The following GRHL3 variants were observed in gnomAD, a reference collection of about 807,000 sequenced individuals.
The protein encoded by GRHL3 is grainyhead-like protein 3 homolog.
Under a neutral mutation model 70.3 loss-of-function variants are expected in GRHL3, and 20 were observed. The observed-to-expected ratio is 0.28, with a 90% CI of 0.20 to 0.41. The LOEUF is 0.41. GRHL3 is among the 10% of genes least tolerant of loss of function. The probability of loss-of-function intolerance (pLI) is 1.00; values close to 1 mark genes in which losing one functional copy is unlikely to be tolerated. For synonymous variants in GRHL3, 299 were observed against 299.9 expected (o/e 1.00, Z 0.03); for missense variants, 637 against 762.3 (o/e 0.84, Z 1.94).
At chr1:24,359,226 G>A (rs114110877), downstream of GRHL3, among the ~76,000 whole-genome samples, 827 of 152,326 alleles carry the variant, frequency 5.4e-3, 6 homozygotes, top group African/African-American at 0.019. The surrounding 1 kb of genome is among the most constrained non-coding windows in gnomAD (Gnocchi z 5.3). Flanking sequence ...GAAACCCCTC[G>A]CAGAAGCCCA....
Position 24,354,431 on chromosome 1 carries a change from C to A in GRHL3, c.1752C>A (p.Phe584Leu). The A allele has an allele frequency of 6.2e-7, 1 of 1,614,026 alleles. No homozygotes were observed. Among genetic ancestry groups the A allele is most frequent in the Non-Finnish European group, 8.5e-7 (1 of 1,179,910 alleles). The change falls in exon 16 of 16, where the codon TTC becomes TTA. Residue 584 changes from phenylalanine (F) to leucine (L), a missense_variant. Transcript: ENST00000361548. ...IIQHYSNHVA[F>L]LLDMGELDGK... ...AGCATTACAGCAACCACGTCGCCTTCCTGCTGGACATGGGGGAGCTGGACG... is the reference window on the plus strand; with the variant it reads ...AGCATTACAGCAACCACGTCGCCTTACTGCTGGACATGGGGGAGCTGGACG...
intron 2 of GRHL3, among the ~76,000 whole-genome samples, chr1:24,332,088 T>A (rs958740932): frequency 3.0e-4 from 46 of 152,150 alleles, no homozygotes; most frequent in African/African-American, 1.1e-3. Flanking sequence ...AACACTCTCA[T>A]ACCCCACCAT....
chr1:24,357,105 A>T, downstream of GRHL3: 1 of 138,990 alleles, frequency 7.2e-6, no homozygotes, highest in East Asian at 2.6e-4. Context: ...TAAAGACAGG[A>T]TTCGTATTAC....
chr1:24,343,487 T>C lies in GRHL3; in HGVS notation c.1419+462T>C, dbSNP rs41268755. On this transcript the variant is annotated intron_variant, in intron 11 of 15. Coordinates refer to ENST00000361548, the MANE Select transcript of GRHL3 (RefSeq NM_198173.3). The stretch of plus-strand genomic sequence containing the variant: ...GGAGGCACAGAGAAGTTAAGAAACC[T>C]CCTGAGATTGCACAGCTAGTAAGTG... 2.3e-3 allele frequency among the ~76,000 whole-genome samples: 345 copies of C among 152,198 alleles called. 2 individuals carry two copies. The highest frequency in any genetic ancestry group is 7.5e-3 in the South Asian group (36 of 4,806).
intron 14 of GRHL3, among the ~76,000 whole-genome samples, chr1:24,349,023 G>A (rs140626045): frequency 2.4e-4 from 37 of 152,330 alleles, no homozygotes; most frequent in African/African-American, 7.7e-4. Context: ...GTCTCAGTTC[G>A]TGTGCAGAAC....
At position 24,343,030 on chromosome 1, in the gene GRHL3, G is replaced by A. The variant is rs1434460791; in HGVS notation, c.1419+5G>A. ...AGCCTGCAGCGCTCTGGAGGGGTGA[G>A]GCCAGGGCTGGGGTCTCGGGAAGGA... On this transcript the variant is annotated splice_donor_5th_base_variant and intron_variant, in intron 11 of 15. Coordinates refer to ENST00000361548, the MANE Select transcript of GRHL3 (RefSeq NM_198173.3). The A allele has an allele frequency of 1.2e-6, 2 of 1,614,066 alleles. No homozygotes were observed. Among genetic ancestry groups the A allele is most frequent in the African/African-American group, 2.7e-5 (2 of 75,014 alleles).
rs1431241608 is a variant in GRHL3, at chr1:24,319,535, A to C, written c.-17A>C. ...GCAGAGCCTCAGTGCTGATCGTCGG[A>C]GCTTGGGAGCAGGAAGATGTCGAAT... On this transcript the variant is annotated 5_prime_UTR_variant, in exon 1 of 16. Coordinates refer to ENST00000361548, the MANE Select transcript of GRHL3 (RefSeq NM_198173.3). 1 of 1,612,714 alleles carries C rather than the reference A, an allele frequency of 6.2e-7. No individual in the cohort carries two copies. The highest frequency in any genetic ancestry group is 1.3e-5 in the African/African-American group (1 of 74,906).
At chr1:24,351,295 C>T (rs982490466) in intron 15 of GRHL3, among the ~76,000 whole-genome samples, 1 of 152,274 alleles carries the variant, frequency 6.6e-6, no homozygotes, top group Admixed American at 6.5e-5. Context: ...GCCTGGCCGC[C>T]TTCCTCACAG....
intron 2 of GRHL3, among the ~76,000 whole-genome samples, chr1:24,333,227 C>G (rs1488586972): frequency 2.0e-5 from 3 of 152,178 alleles, no homozygotes; most frequent in African/African-American, 7.2e-5. Context: ...TTCAGAGCAG[C>G]CCCCTGGACA....
chr1:24,331,187 G>A (rs1311176964), intron 1 of GRHL3, among the ~76,000 whole-genome samples: 1 of 152,210 alleles, frequency 6.6e-6, no homozygotes, highest in Non-Finnish European at 1.5e-5. Context: ...TGGCCTTCAT[G>A]CTGTGGAAGA....
At chr1:24,333,404 G>A (rs1569871957) in intron 2 of GRHL3, among the ~76,000 whole-genome samples, 1 of 152,204 alleles carries the variant, frequency 6.6e-6, no homozygotes, top group East Asian at 1.9e-4. Flanking sequence ...CTCTCTTGGG[G>A]TGATTAAGAG....
chr1:24,325,748 G>A (rs556231928), intron 1 of GRHL3, among the ~76,000 whole-genome samples: 90 of 152,312 alleles, frequency 5.9e-4, no homozygotes, highest in Admixed American at 7.8e-4. Flanking sequence ...TCCTCCCAGA[G>A]CACTGGCCCC....
At chr1:24,362,711 CCA>C (rs918048455) in intron 15 of GRHL3, among the ~76,000 whole-genome samples, 1 of 152,170 alleles carries the variant, frequency 6.6e-6, no homozygotes, top group Non-Finnish European at 1.5e-5. Flanking sequence ...CCCTTCCACC[CCA>C]GAGTCATGCT....
At chr1:24,361,362 T>C (rs1641105066) in intron 15 of GRHL3, among the ~76,000 whole-genome samples, 1 of 152,112 alleles carries the variant, frequency 6.6e-6, no homozygotes, top group Non-Finnish European at 1.5e-5. Context: ...GATGTGGAGC[T>C]AACCAGAAAT....
intron 2 of GRHL3, 81 bp downstream of exon 2, chr1:24,331,693 C>A: frequency 8.2e-7 from 1 of 1,219,016 alleles, no homozygotes; most frequent in Non-Finnish European, 1.2e-6. Context: ...AGCAGCCCAC[C>A]ATGACCACCC....
At chr1:24,332,376 G>C (rs917023329) in intron 2 of GRHL3, among the ~76,000 whole-genome samples, 2 of 152,164 alleles carry the variant, frequency 1.3e-5, no homozygotes, top group African/African-American at 4.8e-5. Context: ...CAGCTCCTGA[G>C]AATAGGAATT....
At position 24,361,035 on chromosome 1, in the gene GRHL3, GT is replaced by G. The variant is rs533375823; in HGVS notation, c.1695-3145del. ...GCTGAGCAGAGAAGTTCAGGATGGG[GT>G]TTTTCCTTTGGGAAAGATAAAACGG... On this transcript the variant is annotated intron_variant, in intron 15 of 15. Transcript: ENST00000350501. The G allele has an allele frequency of 1.4e-4, 231 of 1,604,760 alleles. 4 individuals carry two copies. The East Asian group carries it at 4.6e-3, about 32-fold the overall frequency.
At chr1:24,341,387 G>A (rs1044849665) in intron 8 of GRHL3, among the ~76,000 whole-genome samples, 17 of 152,200 alleles carry the variant, frequency 1.1e-4, no homozygotes, top group Non-Finnish European at 2.2e-4. Context: ...GTCTGAAGCC[G>A]TATATGGCTA....
At chr1:24,333,985 G>A (rs1639703166) in intron 2 of GRHL3, among the ~76,000 whole-genome samples, 1 of 152,184 alleles carries the variant, frequency 6.6e-6, no homozygotes. Context: ...TCTCAGAGAG[G>A]TGTAGTCATT....
Sources: gnomAD v4.1 joint callset for allele counts (sites outside exome capture counted in the v4.1 genomes callset) on GRCh38, gnomAD v4.1.1 for gene constraint, Gnocchi (gnomAD v3.1) non-coding constraint, MANE v1.5 for transcripts, NCBI Gene and HGNC (gene_info 2026-07-23, HGNC 2026-07-21) for gene names.